The following KCNQ2 variants were observed in gnomAD, a reference collection of about 807,000 sequenced individuals.
KCNQ2 encodes potassium voltage-gated channel subfamily KQT member 2.
KCNQ2 carries 14 observed loss-of-function variants against 84.8 expected under a neutral mutation model. That is an observed-to-expected ratio of 0.17 (90% CI 0.11 to 0.26). The LOEUF (loss-of-function observed/expected upper bound fraction) is 0.26. KCNQ2 is among the 10% of genes least tolerant of loss of function. The probability of loss-of-function intolerance (pLI) is 1.00; values close to 1 mark genes in which losing one functional copy is unlikely to be tolerated. For missense variants in KCNQ2, 788 were observed against 1,254.0 expected (o/e 0.63, Z 5.61); for synonymous variants, 599 against 554.1 (o/e 1.08, Z -1.14).
At position 63,446,417 on chromosome 20, in the gene KCNQ2, C is replaced by T. The variant is rs2081427758; in HGVS notation, c.387+330G>A. Among the ~76,000 whole-genome samples, 9 of 152,312 alleles carry T rather than the reference C, an allele frequency of 5.9e-5. No individual in the cohort carries two copies. The highest frequency in any genetic ancestry group is 3.4e-3 in the Middle Eastern group (1 of 294). The stretch of plus-strand genomic sequence containing the variant: ...GCCCACGTCTGCCGTCTGCTGGGGA[C>T]GCCCCACATCTCCGGCTCCAGAGAT... On this transcript the variant is annotated intron_variant, in intron 2 of 16. Transcript: ENST00000359125. The surrounding 1 kb of genome is among the most constrained non-coding windows in gnomAD (Gnocchi z 5.5).
At chr20:63,412,484 G>C (rs376512998) in intron 15 of KCNQ2, among the ~76,000 whole-genome samples, 1 of 152,226 alleles carries the variant, frequency 6.6e-6, no homozygotes, top group Non-Finnish European at 1.5e-5. Flanking sequence ...GGAGCCCAGC[G>C]GGGTGAAGGG....
rs2081914149 is a variant in KCNQ2 at position 63,460,204 on chromosome 20, C to A, written c.296+11964G>T. On this transcript the variant is annotated intron_variant, in intron 1 of 16. Coordinates refer to ENST00000359125, the MANE Select transcript of KCNQ2 (RefSeq NM_172107.4). This position sits in a 1 kb window ranked among gnomAD's most constrained non-coding sequence, Gnocchi z 5.4. ...TGCTTGGCCTGGCCTGGGCTCCTGA[C>A]CCTGCAGGTCCCTCCCTGGCCTTAC... 6.6e-6 allele frequency among the ~76,000 whole-genome samples: 1 copy of A among 152,168 alleles called. No individual in the cohort carries two copies. Among genetic ancestry groups the A allele is most frequent in the Admixed American group, 6.5e-5 (1 of 15,286 alleles).
intron 1 of KCNQ2, among the ~76,000 whole-genome samples, chr20:63,467,299 A>C (rs1355250395): frequency 6.6e-6 from 1 of 151,690 alleles, no homozygotes; most frequent in African/African-American, 2.4e-5. Context: ...GAGGGAACCC[A>C]CTCTGTGTAG....
At chr20:63,415,198 T>TGAGCAGACACG in intron 12 of KCNQ2, 72 bp from the exon 13 acceptor site, 1 of 1,364,074 alleles carries the variant, frequency 7.3e-7, no homozygotes, top group Non-Finnish European at 1.0e-6. Context: ...ACACAGGCCG[T>TGAGCAGACACG]GTCTGCTCAT....
At chr20:63,426,989 G>T (rs1200389252) in intron 10 of KCNQ2, among the ~76,000 whole-genome samples, 1 of 152,250 alleles carries the variant, frequency 6.6e-6, no homozygotes, top group Non-Finnish European at 1.5e-5. Flanking sequence ...GGGAGGCCGA[G>T]ACGGGCAGAG....
At chr20:63,439,976 C>T (rs1349041388) in intron 5 of KCNQ2, among the ~76,000 whole-genome samples, 3 of 152,244 alleles carry the variant, frequency 2.0e-5, no homozygotes, top group Non-Finnish European at 4.4e-5. Context: ...GGCCCAGCGA[C>T]GTGACTCCCA....
intron 9 of KCNQ2, among the ~76,000 whole-genome samples, chr20:63,428,915 G>A (rs182588246): frequency 3.7e-4 from 57 of 152,228 alleles, no homozygotes; most frequent in African/African-American, 1.3e-3. Context: ...GATTCTGCTT[G>A]GCAAAGAGCA....
intron 8 of KCNQ2, chr20:63,433,552 C>G: frequency 7.3e-6 from 5 of 687,998 alleles, no homozygotes; most frequent in Non-Finnish European, 1.2e-5. Context: ...TTGCAACGCA[C>G]AAAACACAGC....
Position 63,434,154 on chromosome 20 carries a change from C to T in KCNQ2, c.1024-251G>A, listed in dbSNP as rs535585885. The T allele has an allele frequency of 4.8e-5, 26 of 538,488 alleles. No individual in the cohort carries two copies. In the South Asian group the frequency reaches 6.3e-4, roughly 13 times the overall value. The allele number at this position is 538,488 out of a possible 1,614,324, so 33.4% of individuals were successfully genotyped here. ...AAGGAGGGGAGCGGTTGGGGCTTGA[C>T]TCGGGGCCCTGAGCGAGCTCGCAGG... On this transcript the variant is annotated intron_variant, in intron 7 of 16. Coordinates refer to ENST00000359125, the MANE Select transcript of KCNQ2 (RefSeq NM_172107.4).
chr20:63,454,625 T>C (rs4809565), intron 1 of KCNQ2, among the ~76,000 whole-genome samples: 113,830 of 152,262 alleles, frequency 0.75, 42,824 homozygotes, highest in East Asian at 0.82. Flanking sequence ...GGCCTCCGCC[T>C]ACAAACCGTG....
Position 63,414,849 on chromosome 20 carries a change from C to T in KCNQ2, c.1525+54G>A. ...CACAGGGTGGCCACAGTAGCGTGGC[C>T]ACCACATCCATCCCCGGAGAGGATG... On this transcript the variant is annotated intron_variant, in intron 13 of 16. Coordinates refer to ENST00000359125, the MANE Select transcript of KCNQ2 (RefSeq NM_172107.4). The surrounding 1 kb of genome is among the most constrained non-coding windows in gnomAD (Gnocchi z 6.6). The T allele has an allele frequency of 6.4e-7, 1 of 1,570,936 alleles. No individual in the cohort carries two copies. The highest frequency in any genetic ancestry group is 8.7e-7 in the Non-Finnish European group (1 of 1,144,006).
intron 1 of KCNQ2, among the ~76,000 whole-genome samples, chr20:63,455,787 CCT>C (rs2081766830): frequency 6.6e-6 from 1 of 151,214 alleles, no homozygotes. Context: ...CCGGGAGACC[CCT>C]GTGCTCACGG....
At chr20:63,471,518 CCG>C (rs1338584008) in intron 1 of KCNQ2, among the ~76,000 whole-genome samples, 56 of 152,258 alleles carry the variant, frequency 3.7e-4, no homozygotes, top group African/African-American at 1.1e-3. Flanking sequence ...ACGGGGGCGG[CCG>C]GCGGCTGCAG....
rs1349756805 is a variant in KCNQ2, at chr20:63,425,483, G to A, written c.1218-1277C>T. Among the ~76,000 whole-genome samples the A allele has an allele frequency of 2.0e-5, 3 of 152,296 alleles. No homozygotes were observed. Among genetic ancestry groups the A allele is most frequent in the East Asian group, 1.9e-4 (1 of 5,184 alleles). On this transcript the variant is annotated intron_variant, in intron 10 of 16. Coordinates refer to ENST00000359125, the MANE Select transcript of KCNQ2 (RefSeq NM_172107.4). The surrounding 1 kb of genome is among the most constrained non-coding windows in gnomAD (Gnocchi z 5.5). ...ACCTGTAATCCCAGCACTTTGGGAG[G>A]CCGAGGCGGGTGGATCACCTGAGGT...
At chr20:63,445,138 C>T in intron 3 of KCNQ2, 100 bp downstream of exon 3, 3 of 1,524,242 alleles carry the variant, frequency 2.0e-6, no homozygotes, top group African/African-American at 1.4e-5. Flanking sequence ...TCCTGCCCAG[C>T]CTCTCTGGCC....
At chr20:63,417,703 C>A (rs958276039) in intron 12 of KCNQ2, among the ~76,000 whole-genome samples, 1 of 152,232 alleles carries the variant, frequency 6.6e-6, no homozygotes, top group African/African-American at 2.4e-5. Context: ...CAGGGAGTTG[C>A]AGGAAGGGAG....
At chr20:63,451,852 A>G (rs2081624658) in intron 1 of KCNQ2, among the ~76,000 whole-genome samples, 1 of 152,048 alleles carries the variant, frequency 6.6e-6, no homozygotes, top group East Asian at 1.9e-4. Context: ...CCATAGCTCC[A>G]CCTTCCGACT....
At chr20:63,461,391 C>A (rs1030232173) in intron 1 of KCNQ2, among the ~76,000 whole-genome samples, 1 of 152,172 alleles carries the variant, frequency 6.6e-6, no homozygotes, top group South Asian at 2.1e-4. Flanking sequence ...GCAGCCACCC[C>A]CCACCGATCA....
chr20:63,443,505 CCACGATCACCACCAT>C (rs2081322811), intron 4 of KCNQ2: 1 of 90,694 alleles, frequency 1.1e-5, no homozygotes, highest in African/African-American at 4.4e-5. Flanking sequence ...ATCACCACCA[CCACGATCACCACCAT>C]CACCATCACC....
Sources: gnomAD v4.1 joint callset for allele counts (sites outside exome capture counted in the v4.1 genomes callset) on GRCh38, gnomAD v4.1.1 for gene constraint, Gnocchi (gnomAD v3.1) non-coding constraint, MANE v1.5 for transcripts, NCBI Gene and HGNC (gene_info 2026-07-23, HGNC 2026-07-21) for gene names.